Variants in MRE11 observed in about 807,000 individuals in gnomAD.
The protein encoded by MRE11 is double-strand break repair protein MRE11.
Under a neutral mutation model 91.7 loss-of-function variants are expected in MRE11, and 62 were observed. That is an observed-to-expected ratio of 0.68 (90% confidence interval 0.55 to 0.84). The LOEUF is 0.84. Ranked by LOEUF, MRE11 falls within the 40% of genes least tolerant of loss-of-function variation. The pLI is 0.00. For synonymous variants in MRE11, 273 were observed against 271.4 expected, an observed-to-expected ratio of 1.01 and a Z score of -0.06; for missense variants, 796 against 852.9, an observed-to-expected ratio of 0.93 and a Z score of 0.83.
Position 94,420,099 on chromosome 11 carries a change from C to T in MRE11, c.*26G>A. 2.6e-6 allele frequency: 4 copies of T among 1,515,756 alleles called. No homozygotes were observed. The highest frequency in any genetic ancestry group is 2.7e-6 in the Non-Finnish European group (3 of 1,096,060). 93.9% of individuals were successfully genotyped at this position (1,515,756 alleles called of 1,614,324 possible). On this transcript the variant is annotated 3_prime_UTR_variant, in exon 20 of 20. Coordinates refer to ENST00000323929, the MANE Select transcript of MRE11 (RefSeq NM_005591.4). ...ACATTTTCATTTTTCCTGTATCTTG[C>T]ATGTTTCTCAGTGCCATTAAATATA...
At chr11:94,457,721 C>T (rs1339532063) in intron 13 of MRE11, among the ~76,000 whole-genome samples, 1 of 152,126 alleles carries the variant, frequency 6.6e-6, no homozygotes, top group Non-Finnish European at 1.5e-5. Context: ...CTATTATCAT[C>T]ACCATTTTAT....
chr11:94,480,463 G>C (rs1328984458), intron 4 of MRE11, among the ~76,000 whole-genome samples: 1 of 152,224 alleles, frequency 6.6e-6, no homozygotes, highest in Non-Finnish European at 1.5e-5. Flanking sequence ...TGTTTGAGCA[G>C]TTCCCTACCA....
intron 16 of MRE11, among the ~76,000 whole-genome samples, chr11:94,445,420 C>CT (rs1309701929): frequency 6.6e-6 from 1 of 152,224 alleles, no homozygotes; most frequent in Non-Finnish European, 1.5e-5. Context: ...AGTGATTCTC[C>CT]TGCCTCAGCC....
chr11:94,495,265 T>C (rs1249617258), upstream of MRE11, among the ~76,000 whole-genome samples: 7 of 152,160 alleles, frequency 4.6e-5, no homozygotes, highest in Non-Finnish European at 7.4e-5. Context: ...CTCTGGAACT[T>C]CTCAGAATCC....
the MRE11 span, among the ~76,000 whole-genome samples, chr11:94,501,675 A>G: frequency 6.6e-6 from 1 of 152,106 alleles, no homozygotes; most frequent in South Asian, 2.1e-4. Flanking sequence ...CTGGAGGCAC[A>G]GAAGGATGGT....
At chr11:94,495,168 A>G (rs911038250), upstream of MRE11, among the ~76,000 whole-genome samples, 9 of 152,222 alleles carry the variant, frequency 5.9e-5, no homozygotes, top group Admixed American at 4.6e-4. Context: ...GCCACTAGTA[A>G]TAAAGTTTAA....
chr11:94,470,467 T>C lies in MRE11; in HGVS notation c.1017+4A>G, dbSNP rs749220208. 6.2e-7 allele frequency: 1 copy of C among 1,612,286 alleles called. No individual in the cohort carries two copies. Among genetic ancestry groups the C allele is most frequent in the Non-Finnish European group, 8.5e-7 (1 of 1,178,720 alleles). ...ATCTCATTGACTTTATCAAAAAGAA[T>C]TACCTTCTCCAAACAGAAGCTTTGT... On this transcript the variant is annotated splice_donor_region_variant and intron_variant, in intron 9 of 19. Coordinates refer to ENST00000323929, the MANE Select transcript of MRE11 (RefSeq NM_005591.4).
intron 14 of MRE11, among the ~76,000 whole-genome samples, chr11:94,450,458 C>T (rs1197029178): frequency 6.6e-6 from 1 of 152,094 alleles, no homozygotes; most frequent in African/African-American, 2.4e-5. Flanking sequence ...TAATATACTT[C>T]AAGACCCCAT....
Position 94,419,400 on chromosome 11 carries a change from G to A in MRE11, c.*725C>T, listed in dbSNP as rs939690990. 9.3e-5 allele frequency: 21 copies of A among 225,182 alleles called. No individual in the cohort carries two copies. Among genetic ancestry groups the A allele is most frequent in the African/African-American group, 4.5e-4 (20 of 44,444 alleles). The allele number at this position is 225,182 out of a possible 1,614,324, so 13.9% of individuals were successfully genotyped here. ...CCCGTTTCCTCCTAGAACTAGGCACGCATATATGTATGAAAGAGAAGAAAA... is the reference window on the plus strand; with the variant it reads ...CCCGTTTCCTCCTAGAACTAGGCACACATATATGTATGAAAGAGAAGAAAA... On this transcript the variant is annotated 3_prime_UTR_variant, in exon 20 of 20. Coordinates refer to ENST00000323929, the MANE Select transcript of MRE11 (RefSeq NM_005591.4).
intron 10 of MRE11, chr11:94,466,672 C>T (rs1024208520): frequency 1.8e-5 from 5 of 270,742 alleles, no homozygotes; most frequent in South Asian, 1.2e-4. Flanking sequence ...CTACACTGTA[C>T]TCTTTACCTC....
At chr11:94,420,533 G>A (rs13447741) in intron 19 of MRE11, among the ~76,000 whole-genome samples, 113 of 152,220 alleles carry the variant, frequency 7.4e-4, no homozygotes, top group African/African-American at 2.5e-3. Context: ...TATTACAGTT[G>A]TATCTACTCT....
chr11:94,453,782 T>C (rs188288477), intron 14 of MRE11, among the ~76,000 whole-genome samples: 173 of 152,290 alleles, frequency 1.1e-3, no homozygotes, highest in African/African-American at 3.8e-3. Context: ...TTCTTCACTA[T>C]TGATAGTGCC....
Position 94,459,542 on chromosome 11 carries a change from C to T in MRE11, c.1366G>A (p.Glu456Lys), listed in dbSNP as rs1591672636. The change falls in exon 13 of 20, where the codon GAA (glutamate) becomes AAA (lysine). Residue 456 changes from glutamate (E) to lysine (K), a missense_variant. Glu to Lys is a moderately conservative substitution (Grantham distance 56, BLOSUM62 1). Coordinates refer to ENST00000323929, the MANE Select transcript of MRE11 (RefSeq NM_005591.4). ...TTGTCCACAAATTCTTGTACTGCTT[C>T]ACCCATCCCTCTTTCTGTTAGCAGT... Reference protein sequence around the residue: ...LSLLTERGMGEAVQEFVDKEE... With the variant: ...LSLLTERGMGKAVQEFVDKEE... 6.2e-7 allele frequency: 1 copy of T among 1,614,036 alleles called. No homozygotes were observed. Among genetic ancestry groups the T allele is most frequent in the Non-Finnish European group, 8.5e-7 (1 of 1,179,914 alleles).
At chr11:94,476,041 T>C (rs978882226) in intron 7 of MRE11, among the ~76,000 whole-genome samples, 2 of 152,216 alleles carry the variant, frequency 1.3e-5, no homozygotes, top group Non-Finnish European at 1.5e-5. Flanking sequence ...AAAAAGATTC[T>C]ACCTTTTTGT....
At chr11:94,456,363 A>C in intron 13 of MRE11, 25 bp from the exon 14 acceptor site, 1 of 1,570,386 alleles carries the variant, frequency 6.4e-7, no homozygotes, top group East Asian at 2.2e-5. Context: ...AGTAAATCAC[A>C]AACATGTTGC....
At chr11:94,443,549 G>C (rs1189351049) in intron 16 of MRE11, among the ~76,000 whole-genome samples, 1 of 152,194 alleles carries the variant, frequency 6.6e-6, no homozygotes, top group Non-Finnish European at 1.5e-5. Flanking sequence ...GGGGAACAAA[G>C]TTGTTCTTAA....
chr11:94,498,127 T>C, upstream of MRE11: 1 of 1,614,088 alleles, frequency 6.2e-7, no homozygotes, highest in Non-Finnish European at 8.5e-7. Context: ...ACACTAGGGA[T>C]GAAGATGAGT....
chr11:94,492,621 T>C (rs1287851314), intron 2 of MRE11, 161 bp downstream of exon 2: 2 of 1,267,290 alleles, frequency 1.6e-6, no homozygotes, highest in South Asian at 2.6e-5. Flanking sequence ...AACAGATAAA[T>C]ATTTAAAACA....
intron 6 of MRE11, 123 bp downstream of exon 6, chr11:94,478,612 T>C: frequency 2.7e-6 from 3 of 1,104,362 alleles, no homozygotes; most frequent in East Asian, 2.5e-5. Flanking sequence ...TCATTTTTTA[T>C]AGTCACCAAT....
Sources: allele counts gnomAD v4.1 joint callset (sites outside exome capture counted in the v4.1 genomes callset), GRCh38; gene constraint gnomAD v4.1.1; transcripts MANE v1.5; gene names NCBI Gene and HGNC (gene_info 2026-07-23, HGNC 2026-07-21).